The following OC90 variants were observed in gnomAD, a reference collection of about 807,000 sequenced individuals.
OC90 encodes the protein otoconin 90, also known as otoconin-90.
A neutral mutation model predicts 47.3 loss-of-function variants in OC90; 46 were observed. That is an observed-to-expected ratio of 0.97 (90% CI 0.77 to 1.24). The LOEUF is 1.24. Among genes scored for constraint, OC90 ranks in the 50% most tolerant of loss-of-function variants. The pLI, the probability that OC90 is intolerant of heterozygous loss-of-function variation, is 0.00. For missense variants in OC90, 688 were observed against 583.9 expected (o/e 1.18, Z -1.84); for synonymous variants, 271 against 219.5 (o/e 1.23, Z -2.07).
intron 13 of OC90, 50 bp downstream of exon 13, chr8:132,029,023 A>T (rs1822831460): frequency 7.8e-7 from 1 of 1,281,366 alleles, no homozygotes; most frequent in Admixed American, 1.7e-5. Context: ...TACAGTCACG[A>T]TGCTGACCTC....
chr8:132,058,578 G>A (rs79623496), intron 1 of OC90, among the ~76,000 whole-genome samples: 2,245 of 152,276 alleles, frequency 0.015, 19 homozygotes, highest in Non-Finnish European at 0.023. Flanking sequence ...TTTGCTTGTC[G>A]AGTGCCCTGA....
intron 1 of OC90, among the ~76,000 whole-genome samples, chr8:132,057,529 G>A (rs1473221335): frequency 2.6e-5 from 4 of 152,190 alleles, no homozygotes; most frequent in East Asian, 1.9e-4. Context: ...AATGGGGAGA[G>A]TTTCAGTAGG....
chr8:132,027,622 C>A (rs1822778634), intron 13 of OC90, among the ~76,000 whole-genome samples: 1 of 152,164 alleles, frequency 6.6e-6, no homozygotes, highest in Admixed American at 6.5e-5. Flanking sequence ...CTGGAGAATG[C>A]AGATAAAGTC....
chr8:132,031,255 T>G (rs114108282), intron 12 of OC90, among the ~76,000 whole-genome samples: 1,702 of 152,346 alleles, frequency 0.011, 36 homozygotes, highest in African/African-American at 0.039. Context: ...TTGTGAAGGT[T>G]GAATCATTGT....
chr8:132,036,425 AC>A (rs1412855565), intron 9 of OC90: 3 of 780,564 alleles, frequency 3.8e-6, no homozygotes, highest in Non-Finnish European at 7.2e-6. Context: ...GCCACTGTGA[AC>A]AGAAATCACC....
intron 3 of OC90, 98 bp from the exon 4 acceptor site, chr8:132,044,587 A>T: frequency 1.4e-6 from 1 of 709,542 alleles, no homozygotes. Context: ...ACCTTTCTTC[A>T]TTCTCCAAAG....
intron 13 of OC90, among the ~76,000 whole-genome samples, chr8:132,028,163 A>T (rs1822785975): frequency 6.6e-6 from 1 of 152,144 alleles, no homozygotes; most frequent in Non-Finnish European, 1.5e-5. Context: ...CTTGACAGTG[A>T]ATCTCCTCAT....
Position 132,048,478 on chromosome 8 carries a change from C to T in OC90, c.47-2595G>A, listed in dbSNP as rs529392707. On this transcript the variant is annotated intron_variant, in intron 2 of 13. Coordinates refer to ENST00000254627, the MANE Select transcript of OC90 (RefSeq NM_001080399.3). ...ACCCACCGTGGTCCCCCAAATATGC[C>T]GCACATTTTCACAGTATTAAGTCCT... Among the ~76,000 whole-genome samples the T allele has an allele frequency of 4.4e-4, 66 of 151,230 alleles. 1 individual carries two copies. The highest frequency in any genetic ancestry group is 4.7e-4 in the Non-Finnish European group (32 of 68,018).
chr8:132,033,265 A>G, intron 10 of OC90, 101 bp from the exon 11 acceptor site: 2 of 1,174,780 alleles, frequency 1.7e-6, no homozygotes, highest in Admixed American at 2.3e-5. Context: ...AGAACAACAT[A>G]GTGTTAGGAG....
chr8:132,026,510 C>G (rs1406058347), intron 13 of OC90, among the ~76,000 whole-genome samples: 1 of 152,196 alleles, frequency 6.6e-6, no homozygotes, highest in Admixed American at 6.5e-5. Context: ...TCCCCAGAGC[C>G]ACTCTGTCCT....
At position 132,034,812 on chromosome 8, in the gene OC90, TC is replaced by T. The variant is rs1280867917; in HGVS notation, c.701del (p.Gly234GlufsTer16). On this transcript the variant is annotated frameshift_variant, in exon 10 of 14. Coordinates refer to ENST00000254627, the MANE Select transcript of OC90 (RefSeq NM_001080399.3). LOFTEE classifies it high-confidence loss of function. Reference protein sequence around the residue: ...SGEEAGHDQEGVGAARATSPP... With the variant: ...SGEEAGHDQEXVGAARATSPP... ...GGGACGTAGCCCTAGCAGCTCCCAC[TC>T]CTTCCTGATCGTGGCCTGCTTCTGT... 6.2e-7 allele frequency: 1 copy of T among 1,612,938 alleles called. No individual in the cohort carries two copies. The highest frequency in any genetic ancestry group is 1.1e-5 in the South Asian group (1 of 90,876).
intron 1 of OC90, among the ~76,000 whole-genome samples, chr8:132,055,787 T>A (rs1372046642): frequency 1.3e-5 from 2 of 151,964 alleles, no homozygotes; most frequent in East Asian, 3.9e-4. Context: ...GCGGGCAGAG[T>A]CCAGCAACCC....
intron 1 of OC90, 124 bp from the exon 2 acceptor site, chr8:132,055,197 G>A (rs1402514022): frequency 3.5e-6 from 2 of 577,908 alleles, no homozygotes; most frequent in Non-Finnish European, 6.1e-6. Flanking sequence ...AGCCCTGAAA[G>A]GGTGTAGGTC....
chr8:132,028,682 GAA>G (rs1822815037), intron 13 of OC90, among the ~76,000 whole-genome samples: 2 of 66,134 alleles, frequency 3.0e-5, no homozygotes, highest in African/African-American at 1.2e-4. Context: ...CAGAAAGAAA[GAA>G]AGAGAAAGAA....
At chr8:132,040,426 T>C (rs925221596) in intron 6 of OC90, among the ~76,000 whole-genome samples, 43 of 152,214 alleles carry the variant, frequency 2.8e-4, no homozygotes, top group Admixed American at 2.8e-3. Flanking sequence ...CTTCATGCCT[T>C]TGCGTATTCT....
chr8:132,031,929 CA>C lies in OC90; in HGVS notation c.982del (p.Cys328ValfsTer15). 4.3e-6 allele frequency: 7 copies of C among 1,614,032 alleles called. No individual in the cohort carries two copies. Among genetic ancestry groups the C allele is most frequent in the Non-Finnish European group, 5.9e-6 (7 of 1,179,878 alleles). On this transcript the variant is annotated frameshift_variant, in exon 12 of 14. Coordinates refer to ENST00000254627, the MANE Select transcript of OC90 (RefSeq NM_001080399.3). LOFTEE classifies it high-confidence loss of function. ...RCPEEFESYG[C>X]YCGQEGRGEP... ...GCCTCTTCCTTCTTGTCCACAGTAA[CA>C]GCCATAAGACTCAAATTCCTCCGGG...
chr8:132,028,055 G>A (rs1158839411), intron 13 of OC90, among the ~76,000 whole-genome samples: 1 of 152,162 alleles, frequency 6.6e-6, no homozygotes, highest in East Asian at 1.9e-4. Context: ...GATTAATTCT[G>A]TTAACATACA....
intron 11 of OC90, among the ~76,000 whole-genome samples, 179 bp downstream of exon 11, chr8:132,032,860 G>A (rs529314740): frequency 6.6e-6 from 1 of 152,240 alleles, no homozygotes; most frequent in Admixed American, 6.5e-5. Context: ...GTGGCTGAGT[G>A]GCTACAGGCA....
At chr8:132,040,404 G>C (rs1262409963) in intron 6 of OC90, among the ~76,000 whole-genome samples, 1 of 152,182 alleles carries the variant, frequency 6.6e-6, no homozygotes, top group Non-Finnish European at 1.5e-5. Flanking sequence ...TACATGCTGT[G>C]TTCTGTCTTC....
Sources: allele counts gnomAD v4.1 joint callset (sites outside exome capture counted in the v4.1 genomes callset), GRCh38; gene constraint gnomAD v4.1.1; transcripts MANE v1.5; gene names NCBI Gene and HGNC (gene_info 2026-07-23, HGNC 2026-07-21).